Variants in NEK8 observed in about 807,000 individuals in gnomAD.
NEK8 encodes the protein serine/threonine-protein kinase Nek8.
A neutral mutation model predicts 77.2 loss-of-function variants in NEK8; 51 were observed. That is an observed-to-expected ratio of 0.66 (90% CI 0.53 to 0.83). The LOEUF is 0.83. Ranked by LOEUF, NEK8 falls within the 40% of genes least tolerant of loss-of-function variation. The pLI is 0.00. For synonymous variants in NEK8, 365 were observed against 363.2 expected (o/e 1.00, Z -0.06); for missense variants, 787 against 909.2 (o/e 0.87, Z 1.73).
rs2034411768 is a variant in NEK8 at position 28,740,684 on chromosome 17, C to T, written c.1568+71C>T. 1 of 1,593,464 alleles carries T rather than the reference C, an allele frequency of 6.3e-7. No individual in the cohort carries two copies. Among genetic ancestry groups the T allele is most frequent in the African/African-American group, 1.3e-5 (1 of 74,682 alleles). ...GCTGCAAGTGCTCCGTCCATCATTG[C>T]CTACCTTTCACCAAAGACCAGAATT... is the stretch of plus-strand genomic sequence containing the variant. On this transcript the variant is annotated intron_variant, in intron 11 of 14. Transcript: ENST00000268766. This position sits in a 1 kb window ranked among gnomAD's most constrained non-coding sequence, Gnocchi z 4.7.
Position 28,740,853 on chromosome 17 carries a change from CT to C in NEK8, c.1601del (p.Leu534ArgfsTer15), listed in dbSNP as rs776742176. The C allele has an allele frequency of 6.2e-7, 1 of 1,614,100 alleles. No individual in the cohort carries two copies. Among genetic ancestry groups the C allele is most frequent in the Admixed American group, 1.7e-5 (1 of 60,034 alleles). ...CAAGCTGGGCCTGGACCACCTCTCC[CT>C]GGGGGAGGAGCCTGTCCCCCACCAG... is the stretch of plus-strand genomic sequence containing the variant. ...FNKLGLDHLS[L>X]GEEPVPHQQV... On this transcript the variant is annotated frameshift_variant, in exon 12 of 15. Coordinates refer to ENST00000268766, the MANE Select transcript of NEK8 (RefSeq NM_178170.3). LOFTEE classifies it high-confidence loss of function. The surrounding 1 kb of genome is among the most constrained non-coding windows in gnomAD (Gnocchi z 4.7).
At position 28,742,024 on chromosome 17, in the gene NEK8, C is replaced by G; in HGVS notation, c.*37C>G. ...TCACCTCTGGACCACCCTGATATTGCTTCTCCTCTGAATGCTCTGAAAAGT... is the reference window on the plus strand; with the variant it reads ...TCACCTCTGGACCACCCTGATATTGGTTCTCCTCTGAATGCTCTGAAAAGT... On this transcript the variant is annotated 3_prime_UTR_variant, in exon 15 of 15. Transcript: ENST00000268766. 6.2e-7 allele frequency: 1 copy of G among 1,605,554 alleles called. No homozygotes were observed. The highest frequency in any genetic ancestry group is 8.5e-7 in the Non-Finnish European group (1 of 1,172,178).
rs1264336194 is a variant in NEK8, at chr17:28,740,773, C to T, written c.1569-49C>T. 6.2e-7 allele frequency: 1 copy of T among 1,610,678 alleles called. No individual in the cohort carries two copies. The highest frequency in any genetic ancestry group is 1.1e-5 in the South Asian group (1 of 90,980). On this transcript the variant is annotated intron_variant, in intron 11 of 14. Coordinates refer to ENST00000268766, the MANE Select transcript of NEK8 (RefSeq NM_178170.3). The surrounding 1 kb of genome is among the most constrained non-coding windows in gnomAD (Gnocchi z 4.7). ...GATCTGTCTCCTGGTGCACCAGCTC[C>T]TGCCCAAACTGTCTGTCAGTTGGAT... is the stretch of plus-strand genomic sequence containing the variant.
rs777022361 is a variant in NEK8 at position 28,741,118 on chromosome 17, A to G, written c.1773A>G (p.Gly591=). 103 of 1,614,016 alleles carry G rather than the reference A, an allele frequency of 6.4e-5. No individual in the cohort carries two copies. Among genetic ancestry groups the G allele is most frequent in the Non-Finnish European group, 8.6e-5 (102 of 1,180,022 alleles). The change falls in exon 13 of 15, where the codon GGA becomes GGG. Residue 591 remains glycine, a synonymous_variant. Transcript: ENST00000268766. This position sits in a 1 kb window ranked among gnomAD's most constrained non-coding sequence, Gnocchi z 4.5. ...DCYTFGSNQH[G]QLGTNTRRGS... The stretch of plus-strand genomic sequence containing the variant: ...ACACTTTTGGCAGCAATCAGCACGG[A>G]CAGTTGGGCACCAATACTCGCCGAG...
rs1398675359 is a variant in NEK8, at chr17:28,737,344, C to G, written c.657C>G (p.Thr219=). The change falls in exon 5 of 15, where the codon ACC becomes ACG. Residue 219 remains threonine (T), a synonymous_variant. Coordinates refer to ENST00000268766, the MANE Select transcript of NEK8 (RefSeq NM_178170.3). The surrounding 1 kb of genome is among the most constrained non-coding windows in gnomAD (Gnocchi z 4.8). ...PALVLKIMSG[T]FAPISDRYSP... ...TGGTGCTGAAGATCATGAGTGGCAC[C>G]TTTGCACCTATCTCTGACCGGTACA... is the stretch of plus-strand genomic sequence containing the variant. The G allele has an allele frequency of 1.8e-5, 29 of 1,613,762 alleles. No individual in the cohort carries two copies. The highest frequency in any genetic ancestry group is 6.7e-5 in the African/African-American group (5 of 74,934).
Position 28,740,784 on chromosome 17 carries a change from G to A in NEK8, c.1569-38G>A. ...TGGTGCACCAGCTCCTGCCCAAACT[G>A]TCTGTCAGTTGGATTTGGCTTCTGG... On this transcript the variant is annotated intron_variant, in intron 11 of 14. Coordinates refer to ENST00000268766, the MANE Select transcript of NEK8 (RefSeq NM_178170.3). This position sits in a 1 kb window ranked among gnomAD's most constrained non-coding sequence, Gnocchi z 4.7. 6.2e-7 allele frequency: 1 copy of A among 1,612,174 alleles called. No homozygotes were observed. Among genetic ancestry groups the A allele is most frequent in the Non-Finnish European group, 8.5e-7 (1 of 1,179,628 alleles).
intron 1 of NEK8, among the ~76,000 whole-genome samples, chr17:28,733,476 G>A (rs547124773): frequency 1.3e-5 from 2 of 152,266 alleles, no homozygotes; most frequent in East Asian, 3.9e-4. Flanking sequence ...GCTATGCACT[G>A]GGGTTATTGT....
chr17:28,739,241 A>G, intron 10 of NEK8, 40 bp downstream of exon 10: 1 of 1,369,764 alleles, frequency 7.3e-7, no homozygotes, highest in South Asian at 1.2e-5. Context: ...CAGCATCCTC[A>G]GCCATGACTT....
At position 28,743,413 on chromosome 17, in the gene NEK8, G is replaced by T. The variant is rs1034373688; in HGVS notation, c.*1426G>T. ...AATGGGTAGCTGGTGGGACCAGACCGGTTTCCCAGAGGACAGGAAGGCCAA... is the reference window on the plus strand; with the variant it reads ...AATGGGTAGCTGGTGGGACCAGACCTGTTTCCCAGAGGACAGGAAGGCCAA... On this transcript the variant is annotated 3_prime_UTR_variant, in exon 15 of 15. Coordinates refer to ENST00000268766, the MANE Select transcript of NEK8 (RefSeq NM_178170.3). 6.6e-6 allele frequency: 1 copy of T among 152,414 alleles called. No homozygotes were observed. The highest frequency in any genetic ancestry group is 1.5e-5 in the Non-Finnish European group (1 of 68,214). 9.4% of individuals were successfully genotyped at this position (152,414 alleles called of 1,614,324 possible). A position where few individuals can be genotyped will look rare whatever the true frequency, so the allele number is the denominator to read the frequency against.
chr17:28,742,221 C>T lies in NEK8; in HGVS notation c.*234C>T, dbSNP rs950157838. 15 of 634,488 alleles carry T rather than the reference C, an allele frequency of 2.4e-5. No homozygotes were observed. Among genetic ancestry groups the T allele is most frequent in the Non-Finnish European group, 4.3e-5 (15 of 348,970 alleles). The allele number at this position is 634,488 out of a possible 1,614,324, so 39.3% of individuals were successfully genotyped here. On this transcript the variant is annotated 3_prime_UTR_variant, in exon 15 of 15. Coordinates refer to ENST00000268766, the MANE Select transcript of NEK8 (RefSeq NM_178170.3). ...CCCCTTCCTCCCTTCAGTCAGTGTC[C>T]CCAGGGTCCAGCCTGGCTAGAGTTA... is the stretch of plus-strand genomic sequence containing the variant.
rs1475141368 is a variant in NEK8 at position 28,738,157 on chromosome 17, C to T, written c.1134C>T (p.Pro378=). 6.2e-7 allele frequency: 1 copy of T among 1,614,030 alleles called. No individual in the cohort carries two copies. Among genetic ancestry groups the T allele is most frequent in the African/African-American group, 1.3e-5 (1 of 74,920 alleles). Residue 378 remains proline (P), a synonymous_variant, in exon 8 of 15, where the codon CCC becomes CCT. Coordinates refer to ENST00000268766, the MANE Select transcript of NEK8 (RefSeq NM_178170.3). ...LLPGAVEQPQ[P]QFISRFLEGQ... is the part of the protein sequence containing the mutation. ...CTGGGGCAGTGGAGCAGCCACAGCCCCAGTTCATCTCGCGTTTCCTGGAGG... is the reference window on the plus strand; with the variant it reads ...CTGGGGCAGTGGAGCAGCCACAGCCTCAGTTCATCTCGCGTTTCCTGGAGG...
At chr17:28,729,011 G>T in intron 1 of NEK8, 151 bp downstream of exon 1, 1 of 715,346 alleles carries the variant, frequency 1.4e-6, no homozygotes, top group Non-Finnish European at 2.4e-6. Context: ...CAGTCCCCCG[G>T]GGAGACTCCG....
chr17:28,738,187 G>A lies in NEK8; in HGVS notation c.1164G>A (p.Gln388=), dbSNP rs1337122343. 1 of 1,614,190 alleles carries A rather than the reference G, an allele frequency of 6.2e-7. No homozygotes were observed. Residue 388 remains glutamine, a synonymous_variant, in exon 8 of 15, where the codon CAG becomes CAA. Transcript: ENST00000268766. ...TCATCTCGCGTTTCCTGGAGGGCCA[G>A]TCGGGTGTGACCATCAAGCACGTGG... ...PQFISRFLEG[Q]SGVTIKHVAC...
chr17:28,735,687 A>G (rs919835809), intron 4 of NEK8, among the ~76,000 whole-genome samples: 1 of 152,016 alleles, frequency 6.6e-6, no homozygotes, highest in Non-Finnish European at 1.5e-5. Context: ...ACTAGGGATC[A>G]CTGAAAGCCA....
chr17:28,733,930 A>G, intron 1 of NEK8, 53 bp from the exon 2 acceptor site: 7 of 1,516,956 alleles, frequency 4.6e-6, no homozygotes, highest in Non-Finnish European at 5.5e-6. Context: ...GCCCTGCCTG[A>G]TATGTGGCTG....
At chr17:28,739,435 T>G (rs2034398645) in intron 10 of NEK8, among the ~76,000 whole-genome samples, 1 of 152,118 alleles carries the variant, frequency 6.6e-6, no homozygotes, top group South Asian at 2.1e-4. Flanking sequence ...TGAAGGAAAT[T>G]TCATTCATCC....
chr17:28,735,190 C>A, intron 3 of NEK8, 50 bp from the exon 4 acceptor site: 4 of 1,611,858 alleles, frequency 2.5e-6, no homozygotes, highest in Non-Finnish European at 2.5e-6. Context: ...TGCACAGAGC[C>A]CCTGGTCTTC....
rs2034386348 is a variant in NEK8 at position 28,738,194 on chromosome 17, G to A, written c.1171G>A (p.Val391Met). The change falls in exon 8 of 15, where the codon GTG (valine) becomes ATG (methionine). Residue 391 changes from valine (V) to methionine (M), a missense_variant. Transcript: ENST00000268766. ...ISRFLEGQSG[V>M]TIKHVACGDF... ...GCGTTTCCTGGAGGGCCAGTCGGGTGTGACCATCAAGCACGTGGCCTGTGG... is the reference window on the plus strand; with the variant it reads ...GCGTTTCCTGGAGGGCCAGTCGGGTATGACCATCAAGCACGTGGCCTGTGG... 6.2e-7 allele frequency: 1 copy of A among 1,614,188 alleles called. No individual in the cohort carries two copies. The highest frequency in any genetic ancestry group is 2.2e-5 in the East Asian group (1 of 44,882).
chr17:28,731,572 T>C (rs2034307004), intron 1 of NEK8, among the ~76,000 whole-genome samples: 1 of 151,564 alleles, frequency 6.6e-6, no homozygotes. Flanking sequence ...AAAAATCTTA[T>C]CAGACCATTC....
Sources: gnomAD v4.1 joint callset for allele counts (sites outside exome capture counted in the v4.1 genomes callset) on GRCh38, gnomAD v4.1.1 for gene constraint, Gnocchi (gnomAD v3.1) non-coding constraint, MANE v1.5 for transcripts, NCBI Gene and HGNC (gene_info 2026-07-23, HGNC 2026-07-21) for gene names.